The following ASIC2 variants were observed in gnomAD, a reference collection of about 807,000 sequenced individuals.
ASIC2 encodes the protein acid-sensing ion channel 2.
In ASIC2, 25 loss-of-function variants were observed where a neutral mutation model predicts 57.3. The observed-to-expected ratio is 0.44, with a 90% CI of 0.32 to 0.61. The LOEUF (loss-of-function observed/expected upper bound fraction) is 0.61. ASIC2 is among the 20% of genes least tolerant of loss of function. The pLI is 0.06. For missense variants in ASIC2, 641 were observed against 738.1 expected (o/e 0.87, Z 1.52); for synonymous variants, 319 against 307.5 (o/e 1.04, Z -0.39).
At chr17:33,614,412 C>A in intron 1 of ASIC2, among the ~76,000 whole-genome samples, 1 of 152,116 alleles carries the variant, frequency 6.6e-6, no homozygotes, top group East Asian at 1.9e-4. Flanking sequence ...CCAAGGTCAC[C>A]TTTTTCTTCT....
intron 1 of ASIC2, among the ~76,000 whole-genome samples, chr17:33,934,332 C>A (rs78186183): frequency 0.067 from 10,154 of 152,300 alleles, 524 homozygotes; most frequent in East Asian, 0.27. Flanking sequence ...GACTTCCAAA[C>A]TCAAACTTGC....
At chr17:34,032,057 T>C (rs1907638186) in intron 1 of ASIC2, among the ~76,000 whole-genome samples, 1 of 152,058 alleles carries the variant, frequency 6.6e-6, no homozygotes, top group African/African-American at 2.4e-5. Flanking sequence ...AGACACATAA[T>C]TGTCAGATGA....
chr17:34,156,434 G>A lies in ASIC2; in HGVS notation c.99C>T (p.Phe33=). 3 of 1,614,196 alleles carry A rather than the reference G, an allele frequency of 1.9e-6. No individual in the cohort carries two copies. Among genetic ancestry groups the A allele is most frequent in the South Asian group, 1.1e-5 (1 of 91,090 alleles). The stretch of plus-strand genomic sequence containing the variant: ...GCCGGATGGTCAGCGGCCCATACAC[G>A]AAGATGTGGCGGATGCCATGGAGGG... The change falls in exon 1 of 10, where the codon TTC becomes TTT. Residue 33 remains phenylalanine, a synonymous_variant. Transcript: ENST00000359872. This position sits in a 1 kb window ranked among gnomAD's most constrained non-coding sequence, Gnocchi z 4.4.
intron 1 of ASIC2, among the ~76,000 whole-genome samples, chr17:33,608,076 C>T (rs761124170): frequency 2.6e-5 from 4 of 152,190 alleles, no homozygotes; most frequent in African/African-American, 7.2e-5. Flanking sequence ...GAAATACAAT[C>T]GGGCCAAGGA....
At chr17:33,525,296 A>T (rs1914856000) in intron 1 of ASIC2, among the ~76,000 whole-genome samples, 1 of 152,128 alleles carries the variant, frequency 6.6e-6, no homozygotes, top group Non-Finnish European at 1.5e-5. Context: ...GGAGGTGTGG[A>T]GGGCAGAGTG....
intron 1 of ASIC2, among the ~76,000 whole-genome samples, chr17:34,148,876 C>A (rs975862119): frequency 2.0e-5 from 3 of 152,076 alleles, no homozygotes; most frequent in Non-Finnish European, 2.9e-5. Context: ...CAAGACTACC[C>A]AGGAGACTCA....
chr17:34,010,499 C>G (rs1034543334), intron 1 of ASIC2, among the ~76,000 whole-genome samples: 11 of 152,184 alleles, frequency 7.2e-5, no homozygotes, highest in African/African-American at 2.7e-4. Context: ...CTCCATGTCT[C>G]TGGGACTGAT....
intron 1 of ASIC2, among the ~76,000 whole-genome samples, chr17:34,113,489 A>T (rs1567826863): frequency 6.6e-6 from 1 of 152,054 alleles, no homozygotes; most frequent in Non-Finnish European, 1.5e-5. Flanking sequence ...TGAGCCCAGG[A>T]AATCATGGTT....
intron 1 of ASIC2, among the ~76,000 whole-genome samples, chr17:33,541,011 G>A (rs759637033): frequency 3.9e-5 from 6 of 151,996 alleles, no homozygotes; most frequent in Middle Eastern, 3.2e-3. Flanking sequence ...CATTCGCCCA[G>A]ACTCCTGTGT....
At chr17:33,050,921 C>T (rs28536687) in intron 3 of ASIC2, among the ~76,000 whole-genome samples, 3 of 152,044 alleles carry the variant, frequency 2.0e-5, no homozygotes, top group Non-Finnish European at 2.9e-5. Context: ...GTTATCCCTG[C>T]TATGCAGATG....
chr17:33,213,748 A>T (rs149711924), intron 1 of ASIC2, among the ~76,000 whole-genome samples: 1 of 151,926 alleles, frequency 6.6e-6, no homozygotes, highest in Non-Finnish European at 1.5e-5. Context: ...CCAGCTGCCA[A>T]TCTCACCGAT....
intron 1 of ASIC2, among the ~76,000 whole-genome samples, chr17:34,127,894 G>C (rs116809006): frequency 6.6e-6 from 1 of 152,082 alleles, no homozygotes; most frequent in Non-Finnish European, 1.5e-5. Context: ...TGAGCATCCC[G>C]GGCCTTGGGC....
chr17:33,896,762 GT>G (rs1915109781), intron 1 of ASIC2, among the ~76,000 whole-genome samples: 3 of 152,330 alleles, frequency 2.0e-5, no homozygotes, highest in Non-Finnish European at 4.4e-5. Context: ...AGGCGAAACA[GT>G]TTACCCCATA....
intron 1 of ASIC2, among the ~76,000 whole-genome samples, chr17:33,172,501 A>C (rs921043078): frequency 1.3e-5 from 2 of 152,124 alleles, no homozygotes; most frequent in African/African-American, 4.8e-5. Flanking sequence ...TTAGCCCCAC[A>C]TGCCTGTCCT....
chr17:34,013,039 A>C (rs1407020125), intron 1 of ASIC2, among the ~76,000 whole-genome samples: 1 of 152,202 alleles, frequency 6.6e-6, no homozygotes, highest in Non-Finnish European at 1.5e-5. Flanking sequence ...GAAATAGTTG[A>C]TCATGTGCCC....
intron 1 of ASIC2, among the ~76,000 whole-genome samples, chr17:33,662,645 A>AAAT (rs1287870885): frequency 7.2e-6 from 1 of 139,506 alleles, no homozygotes; most frequent in African/African-American, 2.7e-5. Context: ...ATAAATAAAT[A>AAAT]AATAAATAAA....
chr17:34,127,232 A>G (rs547117442), intron 1 of ASIC2, among the ~76,000 whole-genome samples: 2 of 152,308 alleles, frequency 1.3e-5, no homozygotes, highest in African/African-American at 2.4e-5. Context: ...TTTTCAAACT[A>G]GAAATGAGGA....
chr17:33,856,259 C>G (rs1913925289), intron 1 of ASIC2, among the ~76,000 whole-genome samples: 3 of 152,188 alleles, frequency 2.0e-5, no homozygotes, highest in African/African-American at 7.2e-5. Flanking sequence ...GCATCAATAT[C>G]AATTTCATGA....
At chr17:33,374,498 G>A (rs937963727) in intron 1 of ASIC2, among the ~76,000 whole-genome samples, 5 of 152,176 alleles carry the variant, frequency 3.3e-5, no homozygotes, top group South Asian at 2.1e-4. Context: ...CAAATTATCC[G>A]TAAAAACCCT....
Sources: gnomAD v4.1 joint callset for allele counts (sites outside exome capture counted in the v4.1 genomes callset) on GRCh38, gnomAD v4.1.1 for gene constraint, Gnocchi (gnomAD v3.1) non-coding constraint, MANE v1.5 for transcripts, NCBI Gene and HGNC (gene_info 2026-07-23, HGNC 2026-07-21) for gene names.